The following SPRR2G variants were observed in gnomAD, a reference collection of about 807,000 sequenced individuals.
SPRR2G encodes the protein small proline rich protein 2G, also known as small proline-rich protein 2G.
Under a neutral mutation model 0.7 loss-of-function variants are expected in SPRR2G, and 1 was observed. The observed-to-expected ratio is 1.49, with a 90% CI of 0.53 to 7.06. SPRR2G has a LOEUF of 7.06. Among genes scored for constraint, SPRR2G ranks in the 30% most tolerant of loss-of-function variants. The pLI, the probability that SPRR2G is intolerant of heterozygous loss-of-function variation, is 0.14. For missense variants in SPRR2G, 96 were observed against 88.5 expected (o/e 1.09, Z -0.34); for synonymous variants, 38 against 33.9 (o/e 1.12, Z -0.42).
chr1:153,181,334 T>C, the SPRR2G span, among the ~76,000 whole-genome samples: 2 of 152,164 alleles, frequency 1.3e-5, no homozygotes, highest in African/African-American at 4.8e-5. Flanking sequence ...GCTACACACA[T>C]AGAATGTATA....
the SPRR2G span, among the ~76,000 whole-genome samples, chr1:153,189,331 C>A: frequency 6.6e-6 from 1 of 151,926 alleles, no homozygotes; most frequent in Non-Finnish European, 1.5e-5. Context: ...GTCTATTATT[C>A]CCTATGGTTA....
chr1:153,200,459 G>A, the SPRR2G span, among the ~76,000 whole-genome samples: 1 of 152,122 alleles, frequency 6.6e-6, no homozygotes, highest in Non-Finnish European at 1.5e-5. Context: ...TTTTTGGGGG[G>A]TACTTCATAC....
the SPRR2G span, among the ~76,000 whole-genome samples, chr1:153,193,349 T>A: frequency 6.6e-6 from 1 of 152,164 alleles, no homozygotes; most frequent in South Asian, 2.1e-4. Context: ...TGCCTCAACA[T>A]CAGTGACCAC....
the SPRR2G span, among the ~76,000 whole-genome samples, chr1:153,188,970 C>T: frequency 3.3e-5 from 5 of 152,308 alleles, no homozygotes; most frequent in East Asian, 9.6e-4. Flanking sequence ...GCTCACCCTC[C>T]ATGGGCTGCA....
the SPRR2G span, among the ~76,000 whole-genome samples, chr1:153,161,059 G>A: frequency 8.2e-5 from 12 of 145,506 alleles, no homozygotes; most frequent in Non-Finnish European, 3.0e-5. Context: ...CATGGACACA[G>A]GAAGTGGAAC....
chr1:153,167,959 A>C, the SPRR2G span, among the ~76,000 whole-genome samples: 1 of 152,230 alleles, frequency 6.6e-6, no homozygotes, highest in Non-Finnish European at 1.5e-5. Context: ...ATGTCTTATA[A>C]AATATTAGAA....
chr1:153,186,690 C>T, the SPRR2G span, among the ~76,000 whole-genome samples: 1 of 152,072 alleles, frequency 6.6e-6, no homozygotes, highest in African/African-American at 2.4e-5. Context: ...GGCATTTAGC[C>T]TATTTACATT....
the SPRR2G span, among the ~76,000 whole-genome samples, chr1:153,177,131 T>G: frequency 6.6e-6 from 1 of 152,202 alleles, no homozygotes; most frequent in South Asian, 2.1e-4. Flanking sequence ...TGTGTTTGGC[T>G]TATTTGCTAA....
the SPRR2G span, among the ~76,000 whole-genome samples, chr1:153,171,486 C>T: frequency 6.6e-6 from 1 of 152,126 alleles, no homozygotes; most frequent in Non-Finnish European, 1.5e-5. Context: ...GTGATCACAC[C>T]ATATACCCTT....
chr1:153,202,992 G>A, the SPRR2G span, among the ~76,000 whole-genome samples: 1 of 152,216 alleles, frequency 6.6e-6, no homozygotes, highest in Non-Finnish European at 1.5e-5. Context: ...ATTGTGTGGG[G>A]TGGTAAGAAG....
At chr1:153,176,971 CT>C in the SPRR2G span, among the ~76,000 whole-genome samples, 1 of 152,162 alleles carries the variant, frequency 6.6e-6, no homozygotes, top group East Asian at 1.9e-4. Flanking sequence ...CCAATGCCCC[CT>C]TGCAGTTAGT....
At chr1:153,181,063 A>C in the SPRR2G span, among the ~76,000 whole-genome samples, 1 of 150,910 alleles carries the variant, frequency 6.6e-6, no homozygotes, top group Non-Finnish European at 1.5e-5. Context: ...CAGCTTCTCC[A>C]TCTCTGTGGC....
chr1:153,154,952 C>T (rs1656551901), upstream of SPRR2G, among the ~76,000 whole-genome samples: 1 of 152,092 alleles, frequency 6.6e-6, no homozygotes. Flanking sequence ...GTCACAGTGC[C>T]AATCATTCCA....
chr1:153,181,769 G>C, the SPRR2G span, among the ~76,000 whole-genome samples: 1 of 151,400 alleles, frequency 6.6e-6, no homozygotes, highest in Non-Finnish European at 1.5e-5. Context: ...TTTTATGGCT[G>C]AGTGGTATTC....
At chr1:153,154,248 T>C (rs1656534572), upstream of SPRR2G, among the ~76,000 whole-genome samples, 1 of 152,050 alleles carries the variant, frequency 6.6e-6, no homozygotes, top group Non-Finnish European at 1.5e-5. Context: ...TTTAATGGAC[T>C]ACTAGGTATG....
chr1:153,161,108 T>C, the SPRR2G span, among the ~76,000 whole-genome samples: 1 of 140,302 alleles, frequency 7.1e-6, no homozygotes, highest in South Asian at 2.6e-4. Flanking sequence ...GGGGGAGGGA[T>C]AGCATTAGGA....
chr1:153,160,425 A>G, the SPRR2G span, among the ~76,000 whole-genome samples: 42 of 152,220 alleles, frequency 2.8e-4, no homozygotes, highest in African/African-American at 8.2e-4. Context: ...ATATATCCCC[A>G]TAAAAGGAAT....
chr1:153,195,398 T>C, the SPRR2G span, among the ~76,000 whole-genome samples: 1 of 152,328 alleles, frequency 6.6e-6, no homozygotes, highest in South Asian at 2.1e-4. Flanking sequence ...CGGTCTTCTT[T>C]GGTAAACAGC....
chr1:153,162,452 C>T, the SPRR2G span, among the ~76,000 whole-genome samples: 1 of 152,194 alleles, frequency 6.6e-6, no homozygotes, highest in South Asian at 2.1e-4. Context: ...AACACTCTGC[C>T]CTTCTGCTGT....
Sources: gnomAD v4.1 joint callset for allele counts (sites outside exome capture counted in the v4.1 genomes callset) on GRCh38, gnomAD v4.1.1 for gene constraint, MANE v1.5 for transcripts, NCBI Gene and HGNC (gene_info 2026-07-23, HGNC 2026-07-21) for gene names.